Variants in ITPR1 observed in about 807,000 individuals in gnomAD.
The protein encoded by ITPR1 is inositol 1,4,5-trisphosphate-gated calcium channel ITPR1.
In ITPR1, 96 loss-of-function variants were observed where a neutral mutation model predicts 318.4. The observed-to-expected ratio is 0.30, with a 90% CI of 0.26 to 0.36. The LOEUF (loss-of-function observed/expected upper bound fraction) is 0.36. Ranked by LOEUF, ITPR1 falls within the 10% of genes least tolerant of loss-of-function variation. ITPR1 has a pLI of 1.00. For missense variants in ITPR1, 2,440 were observed against 3,460.2 expected, an observed-to-expected ratio of 0.71 and a Z score of 7.40; for synonymous variants, 1,312 against 1,289.9, an observed-to-expected ratio of 1.02 and a Z score of -0.37.
intron 52 of ITPR1, among the ~76,000 whole-genome samples, chr3:4,792,110 T>C (rs533482149): frequency 2.0e-5 from 3 of 152,278 alleles, no homozygotes; most frequent in South Asian, 4.1e-4. Context: ...CATTGTTCAG[T>C]AGAGCATTTC....
rs752945761 is a variant in ITPR1 at position 4,836,952 on chromosome 3, C to G, written c.8190+17C>G. On this transcript the variant is annotated intron_variant, in intron 61 of 61. Transcript: ENST00000649015. ...AAGGATCAGGTAAAGAAAGAAAATC[C>G]CAGCGCCTACCCTCCCATCACTATC... 68 of 1,555,470 alleles carry G rather than the reference C, an allele frequency of 4.4e-5. No homozygotes were observed. The highest frequency in any genetic ancestry group is 5.9e-5 in the Non-Finnish European group (67 of 1,139,090).
rs764774868 is a variant in ITPR1, at chr3:4,782,747, A to G, written c.6510+6A>G. Reference sequence around the variant, plus strand: ...TCTACATATTAGCCCATCAGGTATGATCTCTCCTGTGCCTCCTCTGGATGC... The same window carrying G: ...TCTACATATTAGCCCATCAGGTATGGTCTCTCCTGTGCCTCCTCTGGATGC... On this transcript the variant is annotated splice_donor_region_variant and intron_variant, in intron 50 of 61. Transcript: ENST00000649015. The G allele has an allele frequency of 6.6e-7, 1 of 1,516,782 alleles. No homozygotes were observed. Among genetic ancestry groups the G allele is most frequent in the Non-Finnish European group, 8.9e-7 (1 of 1,127,518 alleles). 94.0% of individuals were successfully genotyped at this position (1,516,782 alleles called of 1,614,324 possible). A position where few individuals can be genotyped will look rare whatever the true frequency, so the allele number is the denominator to read the frequency against.
chr3:4,752,453 A>T (rs780444587), intron 44 of ITPR1, among the ~76,000 whole-genome samples: 2 of 152,052 alleles, frequency 1.3e-5, no homozygotes, highest in Non-Finnish European at 2.9e-5. Context: ...ACGTGCAAAA[A>T]CCGGATAAGC....
chr3:4,668,341 A>G (rs1215531480), intron 18 of ITPR1, among the ~76,000 whole-genome samples: 1 of 149,208 alleles, frequency 6.7e-6, no homozygotes, highest in Non-Finnish European at 1.5e-5. Flanking sequence ...TGATTTTTAG[A>G]TCCTACAAAT....
chr3:4,542,821 C>T (rs76879760), intron 4 of ITPR1, among the ~76,000 whole-genome samples: 4,560 of 152,312 alleles, frequency 0.03, 98 homozygotes, highest in Non-Finnish European at 0.044. Context: ...TCTCAGAGTT[C>T]TCGCTTTAGA....
chr3:4,752,444 C>T (rs13068994), intron 44 of ITPR1, among the ~76,000 whole-genome samples: 8 of 152,130 alleles, frequency 5.3e-5, no homozygotes, highest in East Asian at 3.9e-4. Context: ...CACAGAGTTA[C>T]GTGCAAAAAC....
At chr3:4,794,432 C>T (rs541171802) in intron 52 of ITPR1, among the ~76,000 whole-genome samples, 2 of 152,200 alleles carry the variant, frequency 1.3e-5, no homozygotes. Flanking sequence ...CAACTTGTAC[C>T]CCTCGCTTCC....
At position 4,679,068 on chromosome 3, in the gene ITPR1, G is replaced by C. The variant is rs148739629; in HGVS notation, c.2968-1485G>C. ...GCAGGAGATAATGAGGCCTTGAGCAGGGAGAAACGGCAGTAGGGGAGAACT... is the reference window on the plus strand; with the variant it reads ...GCAGGAGATAATGAGGCCTTGAGCACGGAGAAACGGCAGTAGGGGAGAACT... On this transcript the variant is annotated intron_variant, in intron 24 of 61. Transcript: ENST00000649015. Among the ~76,000 whole-genome samples, 81 of 152,278 alleles carry C rather than the reference G, an allele frequency of 5.3e-4. 1 individual carries two copies. The highest frequency in any genetic ancestry group is 1.7e-3 in the African/African-American group (72 of 41,564).
At chr3:4,711,459 C>A in intron 38 of ITPR1, 2 of 259,936 alleles carry the variant, frequency 7.7e-6, no homozygotes, top group Non-Finnish European at 7.4e-6. Flanking sequence ...GCTTTATAAA[C>A]GAGCAGGTCT....
chr3:4,542,687 G>GC (rs2084576380), intron 4 of ITPR1, among the ~76,000 whole-genome samples: 1 of 151,936 alleles, frequency 6.6e-6, no homozygotes, highest in Non-Finnish European at 1.5e-5. Context: ...GTGTGGCGGG[G>GC]GGGTGGGTCT....
intron 12 of ITPR1, among the ~76,000 whole-genome samples, chr3:4,655,222 C>T (rs899279761): frequency 5.3e-5 from 8 of 152,160 alleles, no homozygotes; most frequent in African/African-American, 1.9e-4. Context: ...TGGCCAACAT[C>T]TGGTGGTCTC....
chr3:4,834,767 G>T (rs564035078), intron 60 of ITPR1, among the ~76,000 whole-genome samples: 35 of 152,280 alleles, frequency 2.3e-4, no homozygotes, highest in Admixed American at 5.2e-4. Context: ...AGCACTTTGG[G>T]TTTCTCAGCT....
intron 44 of ITPR1, among the ~76,000 whole-genome samples, chr3:4,748,920 G>C (rs1328667208): frequency 6.6e-6 from 1 of 152,218 alleles, no homozygotes; most frequent in African/African-American, 2.4e-5. Context: ...GACCCTCGCT[G>C]TTCGTACTGT....
intron 40 of ITPR1, among the ~76,000 whole-genome samples, chr3:4,719,766 C>T (rs575198508): frequency 3.3e-5 from 5 of 150,630 alleles, no homozygotes; most frequent in South Asian, 2.1e-4. Context: ...GCAAGAAAAG[C>T]GCATGGTATG....
intron 59 of ITPR1, 90 bp from the exon 60 acceptor site, chr3:4,817,992 G>A (rs896412723): frequency 9.5e-7 from 1 of 1,052,940 alleles, no homozygotes; most frequent in Non-Finnish European, 1.3e-6. Flanking sequence ...TGAAACCACA[G>A]CCCCCTTTCT....
chr3:4,812,996 T>C (rs548237218), intron 56 of ITPR1, 146 bp from the exon 57 acceptor site: 5 of 679,528 alleles, frequency 7.4e-6, no homozygotes, highest in South Asian at 1.8e-5. Context: ...AAAGTGTAAA[T>C]TGCATTTCTG....
At chr3:4,557,944 T>C (rs1465844440) in intron 4 of ITPR1, among the ~76,000 whole-genome samples, 2 of 152,218 alleles carry the variant, frequency 1.3e-5, no homozygotes, top group Non-Finnish European at 2.9e-5. Context: ...GTGAGTTTTA[T>C]TACATCCACA....
At chr3:4,499,804 C>G (rs1249263388) in intron 2 of ITPR1, among the ~76,000 whole-genome samples, 2 of 152,114 alleles carry the variant, frequency 1.3e-5, no homozygotes, top group East Asian at 3.9e-4. Context: ...AAGTTAGGTT[C>G]TTTTCTTTTT....
intron 5 of ITPR1, among the ~76,000 whole-genome samples, chr3:4,636,917 T>A (rs911425944): frequency 6.6e-6 from 1 of 152,284 alleles, no homozygotes; most frequent in Non-Finnish European, 1.5e-5. Flanking sequence ...TCTTTCTAGA[T>A]GAACCAGTAA....
Sources: gnomAD v4.1 joint callset for allele counts (sites outside exome capture counted in the v4.1 genomes callset) on GRCh38, gnomAD v4.1.1 for gene constraint, MANE v1.5 for transcripts, NCBI Gene and HGNC (gene_info 2026-07-23, HGNC 2026-07-21) for gene names.